LAMC2: variants seen among roughly 807,000 people sequenced by gnomAD.
LAMC2 encodes laminin subunit gamma-2.
In LAMC2, 97 loss-of-function variants were observed where a neutral mutation model predicts 140.2. The ratio of observed to expected loss-of-function variants is 0.69; its 90% confidence interval spans 0.59 to 0.82. The LOEUF is 0.82. Among genes scored for constraint, LAMC2 ranks in the 40% least tolerant of loss-of-function variants. The pLI is 0.00. For missense variants in LAMC2, 1,402 were observed against 1,476.1 expected (o/e 0.95, Z 0.82); for synonymous variants, 513 against 540.2 (o/e 0.95, Z 0.70).
rs1659447205 is a variant in LAMC2 at position 183,220,891 on chromosome 1, T to C, written c.570T>C (p.Tyr190=). 2.5e-6 allele frequency: 4 copies of C among 1,613,910 alleles called. No homozygotes were observed. The highest frequency in any genetic ancestry group is 1.7e-5 in the Admixed American group (1 of 60,012). ...NPEGCTQCFC[Y]GHSASCRSSA... The stretch of plus-strand genomic sequence containing the variant: ...AGGGCTGTACCCAGTGTTTCTGCTA[T>C]GGGCATTCAGCCAGCTGCCGCAGCT... The change falls in exon 5 of 23, where the codon TAT becomes TAC. Residue 190 remains tyrosine (Y), a synonymous_variant. Transcript: ENST00000264144.
At chr1:183,252,959 T>C in the LAMC2 span, among the ~76,000 whole-genome samples, 46 of 152,304 alleles carry the variant, frequency 3.0e-4, no homozygotes, top group Admixed American at 9.8e-4. Context: ...TGAGAGGCCT[T>C]GGGAAAGTTA....
intron 1 of LAMC2, among the ~76,000 whole-genome samples, chr1:183,202,910 G>GT (rs780467004): frequency 1.3e-5 from 2 of 152,254 alleles, no homozygotes; most frequent in Non-Finnish European, 2.9e-5. Context: ...CCATCTATGG[G>GT]TTTTTTAAAG....
rs752410903 is a variant in LAMC2 at position 183,240,112 on chromosome 1, T to C, written c.3142T>C (p.Ser1048Pro). 6.8e-6 allele frequency: 11 copies of C among 1,613,984 alleles called. No individual in the cohort carries two copies. The East Asian group carries it at 2.2e-4, about 33-fold the overall frequency. The change falls in exon 21 of 23, where the codon TCT (serine) becomes CCT (proline). Residue 1048 changes from serine to proline, a missense_variant. Coordinates refer to ENST00000264144, the MANE Select transcript of LAMC2 (RefSeq NM_005562.3). ...CTTGGCCATGGAAAAGGGACTGGCC[T>C]CTCTGAAGAGTGAGATGAGGGAAGT... ...GALAMEKGLA[S>P]LKSEMREVEG...
At chr1:183,251,855 T>TTGCTGCTGC in the LAMC2 span, 185 of 163,302 alleles carry the variant, frequency 1.1e-3, 10 homozygotes, top group African/African-American at 4.1e-3. Flanking sequence ...TGATCAAAGG[T>TTGCTGCTGC]TGCTGCTGCT....
chr1:183,193,403 C>T (rs1447464152), intron 1 of LAMC2, among the ~76,000 whole-genome samples: 1 of 152,152 alleles, frequency 6.6e-6, no homozygotes, highest in East Asian at 1.9e-4. Context: ...TACGTAATCA[C>T]GTCCAGAGAT....
chr1:183,189,415 C>T (rs1169587713), intron 1 of LAMC2, among the ~76,000 whole-genome samples: 1 of 152,084 alleles, frequency 6.6e-6, no homozygotes, highest in Non-Finnish European at 1.5e-5. Context: ...CATGGAGAAA[C>T]CCCACCTCTA....
At chr1:183,195,017 A>G (rs185506637) in intron 1 of LAMC2, among the ~76,000 whole-genome samples, 2 of 152,302 alleles carry the variant, frequency 1.3e-5, no homozygotes, top group Admixed American at 6.5e-5. Context: ...AGTGCCAGCT[A>G]TAACTCTAAT....
Position 183,243,324 on chromosome 1 carries a change from A to C in LAMC2, c.3506A>C (p.Asp1169Ala), listed in dbSNP as rs1334436789. Residue 1169 changes from aspartate (D) to alanine (A), a missense_variant, in exon 23 of 23, where the codon GAT (aspartate) becomes GCT (alanine). Asp to Ala is a moderately radical substitution (Grantham distance 126). Around this residue, in one of 3 missense-constraint regions of LAMC2, gnomAD observed 670 missense variants for 667.2 expected, o/e 1.00. Coordinates refer to ENST00000264144, the MANE Select transcript of LAMC2 (RefSeq NM_005562.3). ...LETSIDGILA[D>A]VKNLENIRDN... ...ACAAGCATAGATGGGATTCTGGCTG[A>C]TGTGAAGAACTTGGAGAACATTAGG... The C allele has an allele frequency of 6.2e-7, 1 of 1,614,074 alleles. No homozygotes were observed. Among genetic ancestry groups the C allele is most frequent in the African/African-American group, 1.3e-5 (1 of 74,922 alleles).
Position 183,236,682 on chromosome 1 carries a change from T to A in LAMC2, c.2601+78T>A, listed in dbSNP as rs993033416. 4 of 1,515,020 alleles carry A rather than the reference T, an allele frequency of 2.6e-6. No individual in the cohort carries two copies. In the African/African-American group the frequency reaches 4.1e-5, roughly 16 times the overall value. 93.8% of individuals were successfully genotyped at this position (1,515,020 alleles called of 1,614,324 possible). ...CTTTTCTGGGGGTGCCATAATATTGTTCAAACATTCAGCTTTTTCTCCATG... is the reference window on the plus strand; with the variant it reads ...CTTTTCTGGGGGTGCCATAATATTGATCAAACATTCAGCTTTTTCTCCATG... On this transcript the variant is annotated intron_variant, in intron 17 of 22. Transcript: ENST00000264144.
At chr1:183,199,696 T>C (rs559589548) in intron 1 of LAMC2, among the ~76,000 whole-genome samples, 89 of 152,314 alleles carry the variant, frequency 5.8e-4, no homozygotes, top group African/African-American at 2.0e-3. Context: ...GATGAAGTGC[T>C]CTGGGCTTTC....
chr1:183,190,509 C>A (rs1326580835), intron 1 of LAMC2, among the ~76,000 whole-genome samples: 1 of 151,902 alleles, frequency 6.6e-6, no homozygotes, highest in Non-Finnish European at 1.5e-5. Flanking sequence ...ATCCACCAGA[C>A]CTCATCACAC....
intron 1 of LAMC2, among the ~76,000 whole-genome samples, chr1:183,194,039 A>C (rs514183): frequency 0.58 from 87,674 of 151,744 alleles, 26,195 homozygotes; most frequent in East Asian, 0.73. Context: ...CCCATCTCAG[A>C]CTCCTGAGTA....
At chr1:183,188,418 T>C (rs1160637025) in intron 1 of LAMC2, among the ~76,000 whole-genome samples, 1 of 152,224 alleles carries the variant, frequency 6.6e-6, no homozygotes, top group Non-Finnish European at 1.5e-5. Context: ...GTTGTTTCCT[T>C]GCAGTAGAAA....
Position 183,243,604 on chromosome 1 carries a change from T to C in LAMC2, c.*204T>C. 1.6e-6 allele frequency: 1 copy of C among 631,204 alleles called. No homozygotes were observed. The highest frequency in any genetic ancestry group is 2.8e-6 in the Non-Finnish European group (1 of 354,404). 39.1% of individuals were successfully genotyped at this position (631,204 alleles called of 1,614,324 possible). ...CTCCTTGCTTCCTGATGCTGGGCAA[T>C]GAGGCAGATAGCACTGGGTGTGAGA... On this transcript the variant is annotated 3_prime_UTR_variant, in exon 23 of 23. Coordinates refer to ENST00000264144, the MANE Select transcript of LAMC2 (RefSeq NM_005562.3).
At chr1:183,231,806 C>T (rs747779887) in intron 12 of LAMC2, among the ~76,000 whole-genome samples, 8 of 152,200 alleles carry the variant, frequency 5.3e-5, no homozygotes, top group Admixed American at 3.3e-4. Context: ...AAGCCTTTTA[C>T]GCACTTCCTT....
At chr1:183,247,639 G>T (rs1243675881), downstream of LAMC2, among the ~76,000 whole-genome samples, 1 of 152,092 alleles carries the variant, frequency 6.6e-6, no homozygotes, top group Admixed American at 6.5e-5. Context: ...CAATGAGCCA[G>T]CCTAATAGGG....
chr1:183,207,883 T>A lies in LAMC2; in HGVS notation c.82T>A (p.Cys28Ser). ...TCTTTTGTATGCTTCCTCCCCAGTC[T>A]GTGATTGCAATGGGAAGTCCAGGCA... ...AARATSRREV[C>S]DCNGKSRQCI... Residue 28 changes from cysteine (C) to serine (S), a missense_variant and splice_region_variant, in exon 2 of 23, where the codon TGT becomes AGT. Physicochemically the swap from Cys to Ser is moderately radical, Grantham distance 112 (BLOSUM62 -1). Around this residue, in one of 3 missense-constraint regions of LAMC2, gnomAD observed 723 missense variants for 783.3 expected, o/e 0.92. Coordinates refer to ENST00000264144, the MANE Select transcript of LAMC2 (RefSeq NM_005562.3). 1.2e-6 allele frequency: 2 copies of A among 1,609,080 alleles called. No homozygotes were observed. Among genetic ancestry groups the A allele is most frequent in the Non-Finnish European group, 1.7e-6 (2 of 1,176,886 alleles).
chr1:183,221,780 T>A (rs1486874397), intron 5 of LAMC2, among the ~76,000 whole-genome samples: 1 of 142,308 alleles, frequency 7.0e-6, no homozygotes, highest in African/African-American at 2.8e-5. Context: ...TCTCACTTCA[T>A]TAAGGTGAGA....
At chr1:183,230,615 T>C (rs1270092548) in intron 11 of LAMC2, among the ~76,000 whole-genome samples, 2 of 151,918 alleles carry the variant, frequency 1.3e-5, no homozygotes, top group Non-Finnish European at 2.9e-5. Context: ...ACATTCCTCA[T>C]CTGCAAAATA....
Sources: allele counts gnomAD v4.1 joint callset (sites outside exome capture counted in the v4.1 genomes callset), GRCh38; gene constraint gnomAD v4.1.1; regional missense constraint gnomAD v4.1.1; transcripts MANE v1.5; gene names NCBI Gene and HGNC (gene_info 2026-07-23, HGNC 2026-07-21).